GRM8: variants seen among roughly 807,000 people sequenced by gnomAD.
GRM8 encodes the protein glutamate metabotropic receptor 8.
In GRM8, 47 loss-of-function variants were observed where a neutral mutation model predicts 87.2. The ratio of observed to expected loss-of-function variants is 0.54; its 90% CI spans 0.43 to 0.69. The LOEUF (loss-of-function observed/expected upper bound fraction) is 0.69. Among genes scored for constraint, GRM8 ranks in the 30% least tolerant of loss-of-function variants. The pLI is 0.00. For missense variants in GRM8, 1,019 were observed against 1,139.2 expected, an observed-to-expected ratio of 0.89 and a Z score of 1.52; for synonymous variants, 396 against 404.5, an observed-to-expected ratio of 0.98 and a Z score of 0.25.
At chr7:126,673,683 A>C (rs1806636886) in intron 7 of GRM8, among the ~76,000 whole-genome samples, 1 of 152,326 alleles carries the variant, frequency 6.6e-6, no homozygotes, top group South Asian at 2.1e-4. Context: ...GTAGATGCTG[A>C]ATTTTAATAA....
At chr7:126,530,526 A>G (rs377344914) in intron 9 of GRM8, among the ~76,000 whole-genome samples, 2 of 152,322 alleles carry the variant, frequency 1.3e-5, no homozygotes, top group East Asian at 3.9e-4. Flanking sequence ...GCCGACTGAC[A>G]TGGGCTCAAT....
intron 3 of GRM8, among the ~76,000 whole-genome samples, chr7:127,091,224 T>C (rs1480589499): frequency 6.6e-6 from 1 of 152,030 alleles, no homozygotes; most frequent in African/African-American, 2.4e-5. Context: ...GGCCCCCTTA[T>C]TAGCTTGCAC....
intron 8 of GRM8, among the ~76,000 whole-genome samples, chr7:126,537,413 G>C (rs1815920355): frequency 6.6e-6 from 1 of 152,108 alleles, no homozygotes; most frequent in Admixed American, 6.6e-5. Flanking sequence ...CTTGAACAAG[G>C]ATCTTACAAA....
chr7:127,080,660 T>C (rs1441793645), intron 3 of GRM8: 1 of 150,256 alleles, frequency 6.7e-6, no homozygotes, highest in Non-Finnish European at 1.5e-5. Flanking sequence ...AAAAAAAAAA[T>C]GGAGAGATTC....
At chr7:127,198,322 A>T in intron 2 of GRM8, among the ~76,000 whole-genome samples, 1 of 152,216 alleles carries the variant, frequency 6.6e-6, no homozygotes, top group Non-Finnish European at 1.5e-5. Context: ...TAAACTGGAC[A>T]AAAGTCTTTG....
chr7:126,624,410 AC>A (rs999659097), intron 7 of GRM8, among the ~76,000 whole-genome samples: 1 of 152,112 alleles, frequency 6.6e-6, no homozygotes, highest in African/African-American at 2.4e-5. Flanking sequence ...CTCGTATCCC[AC>A]CCAAAATATC....
intron 8 of GRM8, among the ~76,000 whole-genome samples, chr7:126,592,199 A>G (rs538124717): frequency 2.6e-5 from 4 of 151,938 alleles, no homozygotes; most frequent in African/African-American, 7.2e-5. Context: ...GAATTCTATC[A>G]AAAACTTAAA....
At chr7:126,803,331 A>C (rs896972030) in intron 6 of GRM8, among the ~76,000 whole-genome samples, 8 of 152,080 alleles carry the variant, frequency 5.3e-5, no homozygotes, top group Admixed American at 3.3e-4. Context: ...CTCCATGGAT[A>C]CTCTCCCTAA....
intron 6 of GRM8, among the ~76,000 whole-genome samples, chr7:126,863,762 TA>T (rs1182866759): frequency 6.6e-6 from 1 of 152,154 alleles, no homozygotes; most frequent in Non-Finnish European, 1.5e-5. Flanking sequence ...TAACATCTCC[TA>T]TTTGGATAGA....
chr7:127,045,746 G>C (rs1245888312), intron 3 of GRM8, among the ~76,000 whole-genome samples: 2 of 152,070 alleles, frequency 1.3e-5, no homozygotes, highest in African/African-American at 2.4e-5. Flanking sequence ...CTCTCTATTT[G>C]TCTATCCCTG....
intron 3 of GRM8, among the ~76,000 whole-genome samples, chr7:127,050,388 C>T (rs1819346738): frequency 6.6e-6 from 1 of 152,186 alleles, no homozygotes; most frequent in African/African-American, 2.4e-5. Flanking sequence ...AGGTACGAAT[C>T]CATTTCAAGT....
intron 7 of GRM8, among the ~76,000 whole-genome samples, chr7:126,735,879 A>C (rs1316425191): frequency 2.0e-5 from 3 of 152,072 alleles, no homozygotes; most frequent in Non-Finnish European, 2.9e-5. Context: ...AAAAGCTGGA[A>C]GCCGAAGCAG....
intron 1 of GRM8, among the ~76,000 whole-genome samples, chr7:127,247,278 G>T (rs887610711): frequency 2.0e-5 from 3 of 152,214 alleles, no homozygotes; most frequent in East Asian, 1.9e-4. Flanking sequence ...ACCAACGCAT[G>T]CAGGGTCTCT....
intron 6 of GRM8, among the ~76,000 whole-genome samples, chr7:126,795,017 G>C (rs1821802185): frequency 6.6e-6 from 1 of 152,068 alleles, no homozygotes; most frequent in African/African-American, 2.4e-5. Context: ...AAATACAGAA[G>C]GTATTTCTTT....
chr7:127,041,531 A>G (rs1015287595), intron 3 of GRM8, among the ~76,000 whole-genome samples: 17 of 152,258 alleles, frequency 1.1e-4, no homozygotes, highest in African/African-American at 3.9e-4. Context: ...ATTCTCTACC[A>G]TTTAAGAGGA....
chr7:127,175,354 C>T (rs1794041394), intron 2 of GRM8, among the ~76,000 whole-genome samples: 1 of 151,926 alleles, frequency 6.6e-6, no homozygotes, highest in African/African-American at 2.4e-5. Flanking sequence ...GTGGAAAAAA[C>T]AGAAGAATAT....
intron 8 of GRM8, among the ~76,000 whole-genome samples, chr7:126,538,906 G>A (rs1816189954): frequency 3.3e-5 from 5 of 151,886 alleles, no homozygotes. Flanking sequence ...ATAAAATTAT[G>A]TAATTATATG....
chr7:127,023,135 C>A (rs1816439276), intron 3 of GRM8, among the ~76,000 whole-genome samples: 1 of 151,952 alleles, frequency 6.6e-6, no homozygotes, highest in South Asian at 2.1e-4. Context: ...TTGGTTTTCC[C>A]AACTGTTTTC....
In GRM8 at chr7:126,579,942, A is replaced by G. The variant is rs147905549; in HGVS notation, c.1494+29420T>C. Among the ~76,000 whole-genome samples, 21 of 152,300 alleles carry G rather than the reference A, an allele frequency of 1.4e-4. No individual in the cohort carries two copies. The East Asian group carries it at 4.0e-3, about 29-fold the overall frequency. On this transcript the variant is annotated intron_variant, in intron 8 of 10. Coordinates refer to ENST00000339582, the MANE Select transcript of GRM8 (RefSeq NM_000845.3). ...GAGATCAGATAAATATTAAGGAAAT[A>G]TTACAGAATAAATCAGGATATTTGG...
Sources: gnomAD v4.1 joint callset for allele counts (sites outside exome capture counted in the v4.1 genomes callset) on GRCh38, gnomAD v4.1.1 for gene constraint, MANE v1.5 for transcripts, NCBI Gene and HGNC (gene_info 2026-07-23, HGNC 2026-07-21) for gene names.